Variants in PHLDB2 observed in about 807,000 individuals in gnomAD.
PHLDB2 encodes the protein pleckstrin homology-like domain family B member 2.
A neutral mutation model predicts 123.6 loss-of-function variants in PHLDB2; 71 were observed. The observed-to-expected ratio is 0.57, with a 90% CI of 0.47 to 0.70. The LOEUF (loss-of-function observed/expected upper bound fraction) is 0.70. PHLDB2 is among the 30% of genes least tolerant of loss of function. The pLI, the probability that PHLDB2 is intolerant of heterozygous loss-of-function variation, is 0.00. For synonymous variants in PHLDB2, 547 were observed against 541.6 expected (o/e 1.01, Z -0.14); for missense variants, 1,446 against 1,519.5 (o/e 0.95, Z 0.80).
At chr3:111,748,736 G>A (rs2059722024) in intron 1 of PHLDB2, among the ~76,000 whole-genome samples, 5 of 151,768 alleles carry the variant, frequency 3.3e-5, no homozygotes, top group Admixed American at 3.3e-4. Context: ...TGGTCAGGTG[G>A]GTCACAAACT....
In PHLDB2 at chr3:111,788,876, A is replaced by T. The variant is rs545821119; in HGVS notation, c.-49+56173A>T. On this transcript the variant is annotated intron_variant, in intron 1 of 17. Transcript: ENST00000393923. ...ATTACACACCCCTGCTTTAAAGAGT[A>T]AAAGAATAACTTACGGGAAAGCACC... Among the ~76,000 whole-genome samples the T allele has an allele frequency of 2.0e-5, 3 of 152,366 alleles. No homozygotes were observed. In the South Asian group the frequency reaches 6.2e-4, roughly 32 times the overall value.
chr3:111,732,623 C>T (rs535191710), exon 1 of PHLDB2: 21 of 1,535,216 alleles, frequency 1.4e-5, no homozygotes, highest in African/African-American at 1.1e-4. Context: ...CTTCAGCAAT[C>T]GCTGGAACAG....
At chr3:111,876,700 C>T (rs181058232) in intron 1 of PHLDB2, among the ~76,000 whole-genome samples, 2 of 152,200 alleles carry the variant, frequency 1.3e-5, no homozygotes, top group Middle Eastern at 3.4e-3. Context: ...AAGTATTTCT[C>T]CTAATGCTAT....
Position 111,828,053 on chromosome 3 carries a change from C to T in PHLDB2, c.-48-17768C>T, listed in dbSNP as rs900121443. Among the ~76,000 whole-genome samples the T allele has an allele frequency of 2.0e-5, 3 of 152,244 alleles. No homozygotes were observed. In the South Asian group the frequency reaches 6.2e-4, roughly 32 times the overall value. ...TAGACTAACAGCTATTCACAGTGCACCTCCCCATAGGGGCCTGCCTCTGTA... is the reference window on the plus strand; with the variant it reads ...TAGACTAACAGCTATTCACAGTGCATCTCCCCATAGGGGCCTGCCTCTGTA... On this transcript the variant is annotated intron_variant, in intron 1 of 17. Coordinates refer to the PHLDB2 transcript ENST00000393923.
Position 111,931,919 on chromosome 3 carries a change from G to A in PHLDB2, c.2002-350G>A, listed in dbSNP as rs145741893. On this transcript the variant is annotated intron_variant, in intron 5 of 17. Coordinates refer to ENST00000431670, the MANE Select transcript of PHLDB2 (RefSeq NM_001134438.2). Reference sequence around the variant, plus strand: ...TGACAGGTGACTCTTAGCAAGGCTTGCTTATGAATTTGGTTGGCATTTCTT... The same window carrying A: ...TGACAGGTGACTCTTAGCAAGGCTTACTTATGAATTTGGTTGGCATTTCTT... Among the ~76,000 whole-genome samples the A allele has an allele frequency of 1.9e-4, 29 of 152,280 alleles. No homozygotes were observed. In the East Asian group the frequency reaches 5.4e-3, roughly 28 times the overall value.
At chr3:111,951,816 A>G (rs1284376369) in intron 10 of PHLDB2, among the ~76,000 whole-genome samples, 2 of 152,136 alleles carry the variant, frequency 1.3e-5, no homozygotes, top group African/African-American at 2.4e-5. Context: ...TACGTGGATA[A>G]GTTCTCTAGT....
At chr3:111,942,163 G>A (rs955321385) in intron 8 of PHLDB2, among the ~76,000 whole-genome samples, 8 of 152,094 alleles carry the variant, frequency 5.3e-5, no homozygotes, top group South Asian at 4.1e-4. Flanking sequence ...AAATGGGTAA[G>A]CACAATCACA....
At position 111,919,275 on chromosome 3, in the gene PHLDB2, C is replaced by T. The variant is rs2068356790; in HGVS notation, c.1863+60C>T. The T allele has an allele frequency of 2.6e-6, 4 of 1,562,774 alleles. 1 individual carries two copies. In the South Asian group the frequency reaches 3.4e-5, roughly 13 times the overall value. On this transcript the variant is annotated intron_variant, in intron 4 of 17. Coordinates refer to ENST00000431670, the MANE Select transcript of PHLDB2 (RefSeq NM_001134438.2). ...TTCCTTCAGCTTAAAAATATTGCTA[C>T]TTATTCAGGAATAGGCTTTGGAGGC...
intron 1 of PHLDB2, among the ~76,000 whole-genome samples, chr3:111,823,432 AATTGTAGATTCAT>A (rs2062500947): frequency 6.6e-6 from 1 of 152,258 alleles, no homozygotes; most frequent in Non-Finnish European, 1.5e-5. Context: ...TTTATCACTG[AATTGTAGATTCAT>A]ATTTGTAGAT....
intron 1 of PHLDB2, among the ~76,000 whole-genome samples, chr3:111,867,557 A>G (rs192591945): frequency 2.6e-5 from 4 of 152,274 alleles, no homozygotes; most frequent in African/African-American, 9.6e-5. Flanking sequence ...TCCAAACATC[A>G]TCATATTTCA....
chr3:111,935,428 C>T (rs1482467927), intron 6 of PHLDB2, among the ~76,000 whole-genome samples: 2 of 151,916 alleles, frequency 1.3e-5, no homozygotes, highest in Non-Finnish European at 2.9e-5. Flanking sequence ...GCAATATCCT[C>T]ATATATGAAA....
chr3:111,829,998 T>A (rs2062867957), intron 1 of PHLDB2, among the ~76,000 whole-genome samples: 2 of 119,224 alleles, frequency 1.7e-5, no homozygotes, highest in African/African-American at 9.0e-5. Context: ...CCTAAAAGAT[T>A]TAGATTCAGA....
At chr3:111,887,000 G>A (rs1318727711) in intron 2 of PHLDB2, among the ~76,000 whole-genome samples, 1 of 152,134 alleles carries the variant, frequency 6.6e-6, no homozygotes, top group African/African-American at 2.4e-5. Flanking sequence ...AAGAAATCTG[G>A]GAGAGCATTT....
intron 1 of PHLDB2, among the ~76,000 whole-genome samples, chr3:111,752,378 T>A (rs1312727948): frequency 6.6e-6 from 1 of 152,172 alleles, no homozygotes; most frequent in Non-Finnish European, 1.5e-5. Context: ...AGTCCCTTAA[T>A]AACAAGTTGA....
In PHLDB2 at chr3:111,830,965, GAAAGAA is replaced by G. The variant is rs2062960878; in HGVS notation, c.-48-14854_-48-14849del. Among the ~76,000 whole-genome samples the G allele has an allele frequency of 1.4e-3, 70 of 48,492 alleles. 6 individuals carry two copies. Among genetic ancestry groups the G allele is most frequent in the African/African-American group, 2.8e-3 (60 of 21,336 alleles). 31.8% of individuals were successfully genotyped at this position (48,492 alleles called of 152,430 possible). On this transcript the variant is annotated intron_variant, in intron 1 of 17. Transcript: ENST00000393923. ...AAGGAAAGAAAGAAAGAGAAAGAAA[GAAAGAA>G]AGAAAGAAAGAAAGAAAGAAAGAAA... is the stretch of plus-strand genomic sequence containing the variant.
intron 1 of PHLDB2, among the ~76,000 whole-genome samples, chr3:111,742,485 G>A (rs1045577413): frequency 3.3e-5 from 5 of 151,372 alleles, no homozygotes; most frequent in South Asian, 2.1e-4. Flanking sequence ...AACAGGCCCC[G>A]GTGTGTGATG....
chr3:111,946,126 A>G (rs2070292790), intron 9 of PHLDB2, among the ~76,000 whole-genome samples: 1 of 152,014 alleles, frequency 6.6e-6, no homozygotes, highest in Admixed American at 6.6e-5. Context: ...GGTTCAAGCA[A>G]TTCTCCTGTC....
At chr3:111,744,486 C>T (rs572245508) in intron 1 of PHLDB2, among the ~76,000 whole-genome samples, 19 of 152,276 alleles carry the variant, frequency 1.2e-4, no homozygotes, top group Admixed American at 6.5e-4. Flanking sequence ...AAAAGTTTCA[C>T]ACAGTACTTA....
At chr3:111,740,615 G>A (rs560553345) in intron 1 of PHLDB2, among the ~76,000 whole-genome samples, 64 of 152,006 alleles carry the variant, frequency 4.2e-4, no homozygotes, top group Non-Finnish European at 8.5e-4. Context: ...TAGATAACAC[G>A]TAACACAATA....
Sources: gnomAD v4.1 joint callset for allele counts (sites outside exome capture counted in the v4.1 genomes callset) on GRCh38, gnomAD v4.1.1 for gene constraint, MANE v1.5 for transcripts, NCBI Gene and HGNC (gene_info 2026-07-23, HGNC 2026-07-21) for gene names.